The following NEBL variants were observed in gnomAD, a reference collection of about 807,000 sequenced individuals.
NEBL encodes the protein nebulette, also known as LIM and SH3 protein 2.
In NEBL, 122 loss-of-function variants were observed where a neutral mutation model predicts 140.2. The ratio of observed to expected loss-of-function variants is 0.87; its 90% CI spans 0.75 to 1.01. The LOEUF (loss-of-function observed/expected upper bound fraction) is 1.01, where lower values mean the gene tolerates loss of function less well. Among genes scored for constraint, NEBL ranks in the 50% least tolerant of loss-of-function variants. NEBL has a pLI of 0.00. For synonymous variants in NEBL, 436 were observed against 398.9 expected (o/e 1.09, Z -1.11); for missense variants, 1,365 against 1,231.3 (o/e 1.11, Z -1.62).
intron 4 of NEBL, among the ~76,000 whole-genome samples, chr10:20,925,257 T>C (rs1441836624): frequency 6.6e-6 from 1 of 152,166 alleles, no homozygotes; most frequent in Non-Finnish European, 1.5e-5. Context: ...TGCAATCTGT[T>C]CTTCACTTTC....
intron 2 of NEBL, among the ~76,000 whole-genome samples, chr10:21,045,408 A>G (rs963505792): frequency 1.3e-5 from 2 of 152,200 alleles, no homozygotes; most frequent in African/African-American, 4.8e-5. Flanking sequence ...CATAAATGTC[A>G]TTGACTCCAG....
rs1475620905 is a variant in NEBL at position 21,029,221 on chromosome 10, A to C, written c.165-9020T>G. On this transcript the variant is annotated intron_variant, in intron 2 of 6. Coordinates refer to the NEBL transcript ENST00000417816. ...TCCAATTGACCATTCCATCCTTCCC[A>C]CTGCTCCACCGGCTGCTCGGGAACC... 1.2e-5 allele frequency: 18 copies of C among 1,472,324 alleles called. No individual in the cohort carries two copies. In the Admixed American group the frequency reaches 3.0e-4, roughly 25 times the overall value. The allele number at this position is 1,472,324 out of a possible 1,614,324, so 91.2% of individuals were successfully genotyped here.
At chr10:21,022,142 C>G (rs919423284) in intron 2 of NEBL, among the ~76,000 whole-genome samples, 1 of 152,138 alleles carries the variant, frequency 6.6e-6, no homozygotes, top group Non-Finnish European at 1.5e-5. Context: ...TGAGGAGACA[C>G]CTTTAGCTGC....
At chr10:21,026,024 C>T (rs1481635299) in intron 2 of NEBL, among the ~76,000 whole-genome samples, 1 of 152,094 alleles carries the variant, frequency 6.6e-6, no homozygotes, top group Non-Finnish European at 1.5e-5. Flanking sequence ...TCTATATAGT[C>T]GGAATAAAAT....
intron 3 of NEBL, among the ~76,000 whole-genome samples, chr10:20,979,396 T>C (rs1674711453): frequency 1.3e-5 from 2 of 152,130 alleles, no homozygotes; most frequent in Admixed American, 1.3e-4. Flanking sequence ...TTTGAGAGCA[T>C]GAAAGAGAAG....
intron 2 of NEBL, among the ~76,000 whole-genome samples, chr10:21,131,117 T>C (rs1839084887): frequency 6.6e-6 from 1 of 152,152 alleles, no homozygotes; most frequent in Admixed American, 6.5e-5. Context: ...AACAACCCTA[T>C]GCTCACACAT....
At chr10:20,995,185 C>A (rs1169401796) in intron 3 of NEBL, among the ~76,000 whole-genome samples, 8 of 152,238 alleles carry the variant, frequency 5.3e-5, no homozygotes, top group African/African-American at 1.7e-4. Flanking sequence ...AATGGTTATT[C>A]CCCTCTGAGA....
intron 26 of NEBL, among the ~76,000 whole-genome samples, chr10:20,790,980 A>T (rs1835907468): frequency 6.6e-6 from 1 of 152,252 alleles, no homozygotes. Context: ...ACTAGTCATC[A>T]GATACCATTA....
At chr10:21,136,421 T>C (rs371223337) in intron 2 of NEBL, among the ~76,000 whole-genome samples, 2 of 152,140 alleles carry the variant, frequency 1.3e-5, no homozygotes, top group South Asian at 2.1e-4. Context: ...TTCAAACTTC[T>C]GGGTCCAAGC....
rs186031866 is a variant in NEBL at position 21,034,934 on chromosome 10, C to T, written c.165-14733G>A. On this transcript the variant is annotated intron_variant, in intron 2 of 6. Transcript: ENST00000417816. ...AGGTGTTAAGCCCAGCATGCACTAG[C>T]TATTTATTCTTATTTATTTATTTAT... Among the ~76,000 whole-genome samples the T allele has an allele frequency of 2.8e-3, 423 of 149,810 alleles. 1 individual carries two copies. The highest frequency in any genetic ancestry group is 4.4e-3 in the Non-Finnish European group (299 of 67,668).
Position 20,888,082 on chromosome 10 carries a change from T to G in NEBL, c.369+15A>C. 6.5e-7 allele frequency: 1 copy of G among 1,541,992 alleles called. No individual in the cohort carries two copies. Among genetic ancestry groups the G allele is most frequent in the South Asian group, 1.1e-5 (1 of 89,626 alleles). On this transcript the variant is annotated intron_variant, in intron 4 of 27. Transcript: ENST00000377122. ...TTTATCTACAAAATCATGAAACACTTTAGAAAAACCCTACCTCACTCTGGA... is the reference window on the plus strand; with the variant it reads ...TTTATCTACAAAATCATGAAACACTGTAGAAAAACCCTACCTCACTCTGGA...
At chr10:21,013,962 G>T (rs1383882355) in intron 3 of NEBL, among the ~76,000 whole-genome samples, 4 of 152,074 alleles carry the variant, frequency 2.6e-5, no homozygotes, top group Admixed American at 2.6e-4. Flanking sequence ...GGGATCCGGA[G>T]CTGAGCAGGA....
intron 16 of NEBL, 21 bp from the exon 17 acceptor site, chr10:20,828,655 T>C (rs769067206): frequency 6.8e-7 from 1 of 1,465,370 alleles, no homozygotes; most frequent in South Asian, 1.2e-5. Context: ...AAACAGTTAA[T>C]ATAAATCTGA....
chr10:20,931,055 C>T (rs541446888), intron 4 of NEBL, among the ~76,000 whole-genome samples: 88 of 152,182 alleles, frequency 5.8e-4, no homozygotes, highest in African/African-American at 2.1e-3. Flanking sequence ...CTGAGCAAGC[C>T]AGTCCTTTCA....
intron 2 of NEBL, among the ~76,000 whole-genome samples, chr10:21,033,979 A>C (rs901482949): frequency 8.6e-5 from 13 of 151,778 alleles, no homozygotes; most frequent in African/African-American, 2.7e-4. Flanking sequence ...CAACCTGGGC[A>C]AAATAGCGAA....
chr10:21,109,028 A>C (rs1047970374), intron 2 of NEBL, among the ~76,000 whole-genome samples: 1 of 152,082 alleles, frequency 6.6e-6, no homozygotes, highest in Non-Finnish European at 1.5e-5. Flanking sequence ...AGAACTTCCA[A>C]TGCTATGTTG....
At chr10:20,918,309 G>A (rs746031440) in intron 4 of NEBL, among the ~76,000 whole-genome samples, 5 of 152,134 alleles carry the variant, frequency 3.3e-5, no homozygotes, top group Non-Finnish European at 7.3e-5. Flanking sequence ...AGTGAGCTGA[G>A]ATTGAGCCAC....
At chr10:21,060,102 G>A (rs899244278) in intron 2 of NEBL, among the ~76,000 whole-genome samples, 5 of 152,148 alleles carry the variant, frequency 3.3e-5, no homozygotes, top group African/African-American at 1.2e-4. Flanking sequence ...AAAAATAGCA[G>A]CTGGAGATGC....
At chr10:21,262,113 G>T (rs537603412) in intron 1 of NEBL, among the ~76,000 whole-genome samples, 1 of 152,124 alleles carries the variant, frequency 6.6e-6, no homozygotes, top group Non-Finnish European at 1.5e-5. Context: ...TGGCACACAC[G>T]CCTGGTGATC....
Sources: allele counts gnomAD v4.1 joint callset (sites outside exome capture counted in the v4.1 genomes callset), GRCh38; gene constraint gnomAD v4.1.1; transcripts MANE v1.5; gene names NCBI Gene and HGNC (gene_info 2026-07-23, HGNC 2026-07-21).